MTSS1: variants seen among roughly 807,000 people sequenced by gnomAD.
MTSS1 encodes the protein protein MTSS 1.
A neutral mutation model predicts 79.0 loss-of-function variants in MTSS1; 18 were observed. That is an observed-to-expected ratio of 0.23 (90% CI 0.16 to 0.34). The LOEUF is 0.34. Ranked by LOEUF, MTSS1 falls within the 10% of genes least tolerant of loss-of-function variation. MTSS1 has a pLI of 1.00. For missense variants in MTSS1, 815 were observed against 986.2 expected (o/e 0.83, Z 2.33); for synonymous variants, 341 against 368.6 (o/e 0.93, Z 0.86).
chr8:124,587,885 A>G (rs1472221516), intron 5 of MTSS1, among the ~76,000 whole-genome samples: 3 of 152,238 alleles, frequency 2.0e-5, no homozygotes, highest in Admixed American at 6.5e-5. Flanking sequence ...ATAAGCCATC[A>G]CCCTCCCTGG....
intron 3 of MTSS1, among the ~76,000 whole-genome samples, chr8:124,609,410 G>A (rs941120666): frequency 6.6e-6 from 1 of 152,052 alleles, no homozygotes; most frequent in African/African-American, 2.4e-5. Flanking sequence ...GAAGAGTTAA[G>A]GGTCAGAAAG....
At chr8:124,635,941 C>T (rs888502481) in intron 3 of MTSS1, among the ~76,000 whole-genome samples, 1 of 152,062 alleles carries the variant, frequency 6.6e-6, no homozygotes, top group Non-Finnish European at 1.5e-5. Flanking sequence ...AGCACCTGAA[C>T]GAGTCTTTAA....
In MTSS1 at chr8:124,597,591, AGGCAGCTGCC is replaced by A. The variant is rs1209833614; in HGVS notation, c.209-6366_209-6357del. On this transcript the variant is annotated intron_variant, in intron 3 of 13. Coordinates refer to ENST00000518547, the MANE Select transcript of MTSS1 (RefSeq NM_014751.6). The surrounding 1 kb of genome is among the most constrained non-coding windows in gnomAD (Gnocchi z 4.6). ...TGTCCCTCCAAGCTGCCTCATTTGC[AGGCAGCTGCC>A]ATCTCCCTGCATAGCAGGGGACTAA... Among the ~76,000 whole-genome samples the A allele has an allele frequency of 9.9e-5, 15 of 152,192 alleles. No homozygotes were observed. The highest frequency in any genetic ancestry group is 2.2e-4 in the Non-Finnish European group (15 of 68,032).
intron 6 of MTSS1, among the ~76,000 whole-genome samples, chr8:124,581,234 C>A (rs1586971922): frequency 6.7e-6 from 1 of 150,330 alleles, no homozygotes; most frequent in Admixed American, 6.6e-5. Context: ...CGGGAAGATC[C>A]CTGAAGCCCA....
chr8:124,646,703 T>A (rs1819058058), intron 3 of MTSS1, among the ~76,000 whole-genome samples: 1 of 152,128 alleles, frequency 6.6e-6, no homozygotes, highest in Non-Finnish European at 1.5e-5. Flanking sequence ...AGCTACTGCT[T>A]AATATCTTGA....
chr8:124,615,697 T>C (rs1836715345), intron 3 of MTSS1, among the ~76,000 whole-genome samples: 2 of 152,208 alleles, frequency 1.3e-5, no homozygotes, highest in Admixed American at 1.3e-4. Context: ...ATATGTTATA[T>C]TATGCACACT....
intron 1 of MTSS1, among the ~76,000 whole-genome samples, chr8:124,717,156 C>G (rs543085025): frequency 9.2e-5 from 14 of 152,118 alleles, no homozygotes; most frequent in African/African-American, 2.9e-4. Flanking sequence ...GTTGCTCTAA[C>G]GCCACCTCCT....
At chr8:124,556,997 G>A (rs926551682) in intron 11 of MTSS1, among the ~76,000 whole-genome samples, 2 of 152,222 alleles carry the variant, frequency 1.3e-5, no homozygotes, top group Non-Finnish European at 2.9e-5. Context: ...TGCTTAAAAC[G>A]CTGGCAGCCA....
chr8:124,592,657 C>T (rs1034954418), intron 3 of MTSS1, among the ~76,000 whole-genome samples: 4 of 152,116 alleles, frequency 2.6e-5, no homozygotes, highest in Non-Finnish European at 4.4e-5. Flanking sequence ...ACATATATAT[C>T]GTATATTAAT....
intron 1 of MTSS1, among the ~76,000 whole-genome samples, chr8:124,718,259 A>C (rs1587978011): frequency 6.7e-6 from 1 of 149,788 alleles, no homozygotes; most frequent in Admixed American, 6.6e-5. Flanking sequence ...ACATCTGCTA[A>C]TTTTTTTTTT....
chr8:124,669,384 G>C (rs1312473914), intron 3 of MTSS1, among the ~76,000 whole-genome samples: 1 of 152,198 alleles, frequency 6.6e-6, no homozygotes, highest in African/African-American at 2.4e-5. Context: ...TGCACAAACT[G>C]ATACAACCAC....
intron 1 of MTSS1, among the ~76,000 whole-genome samples, chr8:124,713,550 A>C (rs1200988425): frequency 6.6e-6 from 1 of 152,102 alleles, no homozygotes; most frequent in Non-Finnish European, 1.5e-5. Context: ...CAGCCTCCCA[A>C]GTAGCTGGGA....
At chr8:124,648,709 G>GCAC (rs1554694497) in intron 3 of MTSS1, among the ~76,000 whole-genome samples, 1 of 147,776 alleles carries the variant, frequency 6.8e-6, no homozygotes, top group African/African-American at 2.6e-5. Context: ...CCAAATAGCA[G>GCAC]CCCCCCCCCA....
rs77803065 is a variant in MTSS1 at position 124,573,890 on chromosome 8, C to G, written c.461-5354G>C. Among the ~76,000 whole-genome samples, 18 of 152,328 alleles carry G rather than the reference C, an allele frequency of 1.2e-4. No individual in the cohort carries two copies. The South Asian group carries it at 3.3e-3, about 28-fold the overall frequency. The stretch of plus-strand genomic sequence containing the variant: ...AGCAGCCAGGAGCCCCTTATCCCCC[C>G]ACCCCAGGGGATATCATGATGATTC... On this transcript the variant is annotated intron_variant, in intron 6 of 13. Coordinates refer to ENST00000518547, the MANE Select transcript of MTSS1 (RefSeq NM_014751.6).
intron 3 of MTSS1, among the ~76,000 whole-genome samples, chr8:124,599,221 G>A (rs1032325387): frequency 4.5e-5 from 6 of 133,236 alleles, no homozygotes; most frequent in Admixed American, 1.4e-4. Flanking sequence ...GGTGGCTCAC[G>A]CCTGTAATCC....
Position 124,728,057 on chromosome 8 carries a change from C to T in MTSS1, c.-102G>A. On this transcript the variant is annotated 5_prime_UTR_variant, in exon 1 of 14. Coordinates refer to ENST00000518547, the MANE Select transcript of MTSS1 (RefSeq NM_014751.6). The surrounding 1 kb of genome is among the most constrained non-coding windows in gnomAD (Gnocchi z 6.1). ...AGAAGGAATTTCACCTTCCGAGAGA[C>T]CCACCTCGGACTCGCAGCCTCTTCT... The T allele has an allele frequency of 1.0e-6, 1 of 996,880 alleles. No individual in the cohort carries two copies. The highest frequency in any genetic ancestry group is 2.1e-4 in the Middle Eastern group (1 of 4,778). The allele number at this position is 996,880 out of a possible 1,614,324, so 61.8% of individuals were successfully genotyped here. A position where few individuals can be genotyped will look rare whatever the true frequency, so the allele number is the denominator to read the frequency against.
intron 2 of MTSS1, among the ~76,000 whole-genome samples, chr8:124,700,786 A>G (rs571403221): frequency 1.3e-5 from 2 of 152,356 alleles, no homozygotes; most frequent in African/African-American, 4.8e-5. Flanking sequence ...CCCCAGAACT[A>G]GAATTCAAGG....
At chr8:124,596,071 G>A (rs1202195408) in intron 3 of MTSS1, among the ~76,000 whole-genome samples, 1 of 152,220 alleles carries the variant, frequency 6.6e-6, no homozygotes, top group East Asian at 1.9e-4. Context: ...GCCTCAGGAT[G>A]ACACTGCTGT....
At chr8:124,687,025 A>C (rs572884977) in intron 3 of MTSS1, among the ~76,000 whole-genome samples, 128 of 152,306 alleles carry the variant, frequency 8.4e-4, no homozygotes, top group Admixed American at 1.5e-3. Flanking sequence ...GCTGGTGGGC[A>C]AGTCGAGAAC....
Sources: gnomAD v4.1 joint callset for allele counts (sites outside exome capture counted in the v4.1 genomes callset) on GRCh38, gnomAD v4.1.1 for gene constraint, Gnocchi (gnomAD v3.1) non-coding constraint, MANE v1.5 for transcripts, NCBI Gene and HGNC (gene_info 2026-07-23, HGNC 2026-07-21) for gene names.